The following KCNH3 variants were observed in gnomAD, a reference collection of about 807,000 sequenced individuals.
KCNH3 encodes voltage-gated inwardly rectifying potassium channel KCNH3.
In KCNH3, 36 loss-of-function variants were observed where a neutral mutation model predicts 95.6. The observed-to-expected ratio is 0.38, with a 90% CI of 0.29 to 0.50. The LOEUF (loss-of-function observed/expected upper bound fraction) is 0.50, where lower values mean the gene tolerates loss of function less well. KCNH3 is among the 20% of genes least tolerant of loss of function. The pLI is 0.95. For missense variants in KCNH3, 1,030 were observed against 1,484.1 expected, an observed-to-expected ratio of 0.69 and a Z score of 5.03; for synonymous variants, 620 against 646.3, an observed-to-expected ratio of 0.96 and a Z score of 0.62.
In KCNH3 at chr12:49,543,259, G is replaced by A; in HGVS notation, c.580-16G>A. 1 of 1,612,014 alleles carries A rather than the reference G, an allele frequency of 6.2e-7. No homozygotes were observed. The highest frequency in any genetic ancestry group is 2.2e-5 in the East Asian group (1 of 44,840). ...TATTCTTTCCTCTCTGCCTGGACCT[G>A]CCCTGCCTCACTCAGGGGGTGTTTG... On this transcript the variant is annotated splice_polypyrimidine_tract_variant and intron_variant, in intron 4 of 14. Coordinates refer to ENST00000257981, the MANE Select transcript of KCNH3 (RefSeq NM_012284.3).
At position 49,557,984 on chromosome 12, in the gene KCNH3, T is replaced by A; in HGVS notation, c.*31T>A. The A allele has an allele frequency of 6.9e-7, 1 of 1,448,384 alleles. No individual in the cohort carries two copies. The highest frequency in any genetic ancestry group is 1.7e-5 in the South Asian group (1 of 57,988). 89.7% of individuals were successfully genotyped at this position (1,448,384 alleles called of 1,614,324 possible). ...AGCCCTAGAACTCAGCGTTGCCAGG[T>A]GTGCTGCCATCTGCTGTTCGGCCCA... On this transcript the variant is annotated 3_prime_UTR_variant, in exon 15 of 15. Coordinates refer to ENST00000257981, the MANE Select transcript of KCNH3 (RefSeq NM_012284.3).
rs746252281 is a variant in KCNH3 at position 49,542,773 on chromosome 12, G to A, written c.513G>A (p.Arg171=). The A allele has an allele frequency of 2.5e-6, 4 of 1,596,318 alleles. No homozygotes were observed. The highest frequency in any genetic ancestry group is 1.1e-5 in the South Asian group (1 of 87,766). The change falls in exon 4 of 15, where the codon CGG becomes CGA. Residue 171 remains arginine (R), a synonymous_variant. Transcript: ENST00000257981. ...TCAATGCCAACCGGCGGCGGAGCCG[G>A]GCCGTGCTCTACCACCTGTCCGGGC... The part of the protein sequence containing the change: ...KGFNANRRRS[R]AVLYHLSGHL...
At chr12:49,544,573 C>A (rs1937996290) in intron 7 of KCNH3, among the ~76,000 whole-genome samples, 191 bp downstream of exon 7, 1 of 152,212 alleles carries the variant, frequency 6.6e-6, no homozygotes, top group Non-Finnish European at 1.5e-5. Flanking sequence ...GCAGCTGGGC[C>A]TTGTGGAGAA....
rs138969562 is a variant in KCNH3, at chr12:49,540,855, T to C, written c.77-44T>C. The C allele has an allele frequency of 1.2e-3, 1,829 of 1,523,226 alleles. 30 individuals carry two copies. The highest frequency in any genetic ancestry group is 0.011 in the South Asian group (1,011 of 88,844). 94.4% of individuals were successfully genotyped at this position (1,523,226 alleles called of 1,614,324 possible). On this transcript the variant is annotated intron_variant, in intron 1 of 14. Coordinates refer to ENST00000257981, the MANE Select transcript of KCNH3 (RefSeq NM_012284.3). The stretch of plus-strand genomic sequence containing the variant: ...GAGAAAGGAGGGGTGGTAGGCCTCC[T>C]GCCCCTTCACCCCACGCCTCCTCTG...
intron 12 of KCNH3, 39 bp from the exon 13 acceptor site, chr12:49,556,331 C>A (rs766131221): frequency 2.0e-6 from 3 of 1,470,182 alleles, no homozygotes; most frequent in South Asian, 2.3e-5. Context: ...CAGTGGCTGC[C>A]TGTCCATTGA....
chr12:49,551,832 A>G (rs1938274490), intron 10 of KCNH3, among the ~76,000 whole-genome samples: 2 of 152,180 alleles, frequency 1.3e-5, no homozygotes, highest in African/African-American at 4.8e-5. Context: ...CTGGCAATCC[A>G]CAATCAAGAT....
At chr12:49,540,239 C>A (rs1012257689) in intron 1 of KCNH3, among the ~76,000 whole-genome samples, 1 of 152,310 alleles carries the variant, frequency 6.6e-6, no homozygotes, top group East Asian at 1.9e-4. Flanking sequence ...CTGCGCTCTC[C>A]CCACTCCGGG....
At chr12:49,545,782 A>T (rs1212966415) in intron 7 of KCNH3, among the ~76,000 whole-genome samples, 1 of 152,054 alleles carries the variant, frequency 6.6e-6, no homozygotes, top group Non-Finnish European at 1.5e-5. Flanking sequence ...CCTGGGAACT[A>T]CAAGGCTCCT....
At chr12:49,548,818 C>A in intron 7 of KCNH3, 77 bp from the exon 8 acceptor site, 1 of 1,427,082 alleles carries the variant, frequency 7.0e-7, no homozygotes, top group Non-Finnish European at 9.3e-7. Flanking sequence ...TCTGTGTCTG[C>A]GTGTCCCCAC....
Position 49,555,920 on chromosome 12 carries a change from C to T in KCNH3, c.2437C>T (p.Pro813Ser). The T allele has an allele frequency of 6.4e-7, 1 of 1,574,780 alleles. No individual in the cohort carries two copies. The highest frequency in any genetic ancestry group is 8.7e-7 in the Non-Finnish European group (1 of 1,153,940). The change falls in exon 12 of 15, where the codon CCA (proline) becomes TCA (serine). Residue 813 changes from proline to serine, a missense_variant. Coordinates refer to ENST00000257981, the MANE Select transcript of KCNH3 (RefSeq NM_012284.3). Reference protein sequence around the residue: ...ALEGLRLPPMPWNVPPDLSPR... With the variant: ...ALEGLRLPPMSWNVPPDLSPR... ...AGAGGGGCTACGGCTGCCCCCCATGCCATGGAATGTGCCCCCAGATCTGAG... is the reference window on the plus strand; with the variant it reads ...AGAGGGGCTACGGCTGCCCCCCATGTCATGGAATGTGCCCCCAGATCTGAG...
At position 49,543,372 on chromosome 12, in the gene KCNH3, C is replaced by T. The variant is rs774459105; in HGVS notation, c.677C>T (p.Thr226Ile). Residue 226 changes from threonine to isoleucine, a missense_variant, in exon 5 of 15, where the codon ACC (threonine) becomes ATC (isoleucine). Thr to Ile is a moderately conservative substitution (Grantham distance 89). Transcript: ENST00000257981. ...TTGCACTGTGGGGCACTGAGAGCCA[C>T]CTGGGATGGCTTCATCCTGCTCGCC... ...ILLHCGALRATWDGFILLATL... is the reference protein window; with the variant it reads ...ILLHCGALRAIWDGFILLATL... 384 of 1,613,108 alleles carry T rather than the reference C, an allele frequency of 2.4e-4. No individual in the cohort carries two copies. Among genetic ancestry groups the T allele is most frequent in the Non-Finnish European group, 3.0e-4 (354 of 1,180,034 alleles).
At position 49,557,633 on chromosome 12, in the gene KCNH3, G is replaced by A; in HGVS notation, c.2932G>A (p.Gly978Ser). ...TCCCCTCATGGCACCCTGGCCCTGG[G>A]GTCCCCCAGCGTCTCAGAGCTCCCC... The part of the protein sequence containing the change: ...PPPLMAPWPW[G>S]PPASQSSPWP... Residue 978 changes from glycine (G) to serine (S), a missense_variant, in exon 15 of 15, where the codon GGT becomes AGT. Gly to Ser is a moderately conservative substitution (Grantham distance 56, BLOSUM62 0). Around this residue, in one of 9 missense-constraint regions of KCNH3, gnomAD observed 464 missense variants for 493.2 expected, o/e 0.94. Transcript: ENST00000257981. 1 of 1,613,478 alleles carries A rather than the reference G, an allele frequency of 6.2e-7. No homozygotes were observed.
At chr12:49,552,661 G>A (rs1938302476) in intron 10 of KCNH3, among the ~76,000 whole-genome samples, 1 of 152,358 alleles carries the variant, frequency 6.6e-6, no homozygotes, top group Middle Eastern at 3.4e-3. Context: ...AAAGTCCGTT[G>A]TGAGGAAGGA....
In KCNH3 at chr12:49,539,522, G is replaced by A; in HGVS notation, c.76+30G>A. The A allele has an allele frequency of 6.4e-7, 1 of 1,570,308 alleles. No individual in the cohort carries two copies. Among genetic ancestry groups the A allele is most frequent in the Non-Finnish European group, 8.6e-7 (1 of 1,158,690 alleles). On this transcript the variant is annotated intron_variant, in intron 1 of 14. Coordinates refer to ENST00000257981, the MANE Select transcript of KCNH3 (RefSeq NM_012284.3). This position sits in a 1 kb window ranked among gnomAD's most constrained non-coding sequence, Gnocchi z 6.7. ...GTCCGACCCTCGCCCACTTGCACCC[G>A]GGCCGCCGGACCCTCGCCAGGGCTC...
intron 10 of KCNH3, among the ~76,000 whole-genome samples, chr12:49,553,089 G>C (rs539744138): frequency 6.6e-6 from 1 of 152,090 alleles, no homozygotes; most frequent in Non-Finnish European, 1.5e-5. Flanking sequence ...CTGCCTTGAG[G>C]GTAGTGAGTG....
At position 49,548,972 on chromosome 12, in the gene KCNH3, T is replaced by A. The variant is rs1938161890; in HGVS notation, c.1267T>A (p.Ser423Thr). The A allele has an allele frequency of 6.2e-7, 1 of 1,610,136 alleles. No homozygotes were observed. Among genetic ancestry groups the A allele is most frequent in the Non-Finnish European group, 8.5e-7 (1 of 1,178,978 alleles). Reference protein sequence around the residue: ...VGRRPAGGNSSGQSDNCSSSS... With the variant: ...VGRRPAGGNSTGQSDNCSSSS... ...CCGGAGGCCAGCTGGAGGGAACAGC[T>A]CCGGCCAGAGTGACAACTGCAGCAG... Residue 423 changes from serine (S) to threonine (T), a missense_variant, in exon 8 of 15, where the codon TCC becomes ACC. Ser to Thr is a moderately conservative substitution (Grantham distance 58, BLOSUM62 1). Coordinates refer to ENST00000257981, the MANE Select transcript of KCNH3 (RefSeq NM_012284.3).
rs1198829563 is a variant in KCNH3 at position 49,557,605 on chromosome 12, T to G, written c.2904T>G (p.Pro968=). 6.2e-7 allele frequency: 1 copy of G among 1,613,198 alleles called. No individual in the cohort carries two copies. Among genetic ancestry groups the G allele is most frequent in the African/African-American group, 1.3e-5 (1 of 74,908 alleles). The change falls in exon 15 of 15, where the codon CCT becomes CCG. Residue 968 remains proline, a synonymous_variant. Transcript: ENST00000257981. ...CTTGGCCCCACCCTCGTCCGGGGCC[T>G]CCTCCCCTCATGGCACCCTGGCCCT... ...SGTWPHPRPG[P]PPLMAPWPWG...
intron 4 of KCNH3, 101 bp from the exon 5 acceptor site, chr12:49,543,174 C>T: frequency 7.8e-7 from 1 of 1,285,532 alleles, no homozygotes; most frequent in South Asian, 1.4e-5. Context: ...TTCGATAATG[C>T]AGGGATAGAA....
intron 12 of KCNH3, 80 bp downstream of exon 12, chr12:49,556,031 G>A: frequency 2.8e-6 from 2 of 714,520 alleles, no homozygotes; most frequent in Non-Finnish European, 4.7e-6. Context: ...TGCCCTAGGT[G>A]CCCATCTAAC....
Sources: gnomAD v4.1 joint callset for allele counts (sites outside exome capture counted in the v4.1 genomes callset) on GRCh38, gnomAD v4.1.1 for gene constraint, gnomAD v4.1.1 regional missense constraint, Gnocchi (gnomAD v3.1) non-coding constraint, MANE v1.5 for transcripts, NCBI Gene and HGNC (gene_info 2026-07-23, HGNC 2026-07-21) for gene names.